INO80: variants seen among roughly 807,000 people sequenced by gnomAD.
INO80 encodes the protein INO80 complex ATPase subunit.
In INO80, 20 loss-of-function variants were observed where a neutral mutation model predicts 203.4. The observed-to-expected ratio is 0.10, with a 90% CI of 0.07 to 0.14. The LOEUF is 0.14. Ranked by LOEUF, INO80 falls within the 10% of genes least tolerant of loss-of-function variation. The pLI, the probability that INO80 is intolerant of heterozygous loss-of-function variation, is 1.00. For synonymous variants in INO80, 726 were observed against 685.2 expected, an observed-to-expected ratio of 1.06 and a Z score of -0.93; for missense variants, 1,419 against 1,914.4, an observed-to-expected ratio of 0.74 and a Z score of 4.83.
At chr15:41,057,451 T>A (rs1185869849) in intron 16 of INO80, among the ~76,000 whole-genome samples, 10 of 117,872 alleles carry the variant, frequency 8.5e-5, no homozygotes, top group African/African-American at 3.1e-4. Context: ...CAAGACCCTA[T>A]CCCCTGTCTC....
At chr15:41,111,758 A>T (rs537955058) in intron 1 of INO80, among the ~76,000 whole-genome samples, 3 of 151,648 alleles carry the variant, frequency 2.0e-5, no homozygotes, top group African/African-American at 7.2e-5. Flanking sequence ...AGCTGAGATC[A>T]CGCCACTGTA....
At chr15:41,091,944 G>A (rs913143919) in intron 5 of INO80, 83 bp downstream of exon 5, 37 of 1,244,698 alleles carry the variant, frequency 3.0e-5, no homozygotes, top group South Asian at 1.5e-4. Context: ...GAGCCACCAC[G>A]CCCAGCCAAA....
Position 41,044,974 on chromosome 15 carries a change from T to C in INO80, c.2837A>G (p.Asn946Ser). Residue 946 changes from asparagine to serine, a missense_variant, in exon 24 of 36, where the codon AAC (asparagine) becomes AGC (serine). By Grantham distance (46) the Asn-to-Ser change is conservative. This residue lies in a region of INO80 where 302 missense variants were observed against 345.4 expected (regional missense o/e 0.87). Transcript: ENST00000648947. ...ATTAACCCCAAGAAGGAAATCCTTG[T>C]TCCTCAGGTATCTCTGGTGGCTCTC... ...EGESHQRYLR[N>S]KDFLLGVNFP... The C allele has an allele frequency of 1.9e-6, 3 of 1,614,060 alleles. No homozygotes were observed. Among genetic ancestry groups the C allele is most frequent in the Middle Eastern group, 3.3e-4 (2 of 6,062 alleles).
chr15:41,036,179 A>AC (rs2044572499), intron 24 of INO80, among the ~76,000 whole-genome samples: 1 of 149,462 alleles, frequency 6.7e-6, no homozygotes. Flanking sequence ...AAAAAAAAAA[A>AC]AAAAAACCCA....
At chr15:41,053,642 A>G (rs539255983) in intron 19 of INO80, among the ~76,000 whole-genome samples, 1 of 152,338 alleles carries the variant, frequency 6.6e-6, no homozygotes, top group South Asian at 2.1e-4. Flanking sequence ...AGAGAGAGGT[A>G]GAGTTAATGA....
intron 9 of INO80, among the ~76,000 whole-genome samples, chr15:41,075,280 T>C (rs1195428249): frequency 2.0e-5 from 3 of 152,028 alleles, no homozygotes; most frequent in Non-Finnish European, 2.9e-5. Flanking sequence ...CTTTTCTTTT[T>C]TTTTTTTTTG....
In INO80 at chr15:41,101,695, G is replaced by A. The variant is rs113027363; in HGVS notation, c.-43-5342C>T. Among the ~76,000 whole-genome samples, 645 of 150,920 alleles carry A rather than the reference G, an allele frequency of 4.3e-3. 9 individuals carry two copies. Among genetic ancestry groups the A allele is most frequent in the African/African-American group, 0.014 (563 of 41,396 alleles). On this transcript the variant is annotated intron_variant, in intron 1 of 35. Coordinates refer to ENST00000648947, the MANE Select transcript of INO80 (RefSeq NM_017553.3). Reference sequence around the variant, plus strand: ...CTCCCGAGTAGCTGGGACTGCAGGCGCCCGCCACAACGCCTGGCTAAGTTT... The same window carrying A: ...CTCCCGAGTAGCTGGGACTGCAGGCACCCGCCACAACGCCTGGCTAAGTTT...
chr15:41,096,978 C>A (rs1305677093), intron 1 of INO80, among the ~76,000 whole-genome samples: 1 of 152,250 alleles, frequency 6.6e-6, no homozygotes, highest in African/African-American at 2.4e-5. Flanking sequence ...CCTAAGCATT[C>A]TCTTTGCTAC....
At chr15:41,030,769 G>C (rs1465098007) in intron 24 of INO80, among the ~76,000 whole-genome samples, 1 of 152,060 alleles carries the variant, frequency 6.6e-6, no homozygotes, top group Admixed American at 6.6e-5. Context: ...CTGCCTCCAG[G>C]GTTCAAGCAA....
chr15:41,010,253 T>C (rs1350946174), intron 27 of INO80, among the ~76,000 whole-genome samples: 1 of 152,238 alleles, frequency 6.6e-6, no homozygotes, highest in Non-Finnish European at 1.5e-5. Context: ...TACCTGGTTA[T>C]GTTTATCCAA....
At chr15:41,048,404 G>T in intron 21 of INO80, 128 bp from the exon 22 acceptor site, 1 of 670,646 alleles carries the variant, frequency 1.5e-6, no homozygotes, top group Non-Finnish European at 2.6e-6. Context: ...GAAGTTTCTT[G>T]CCATATTACC....
chr15:40,985,416 C>A lies in INO80; in HGVS notation c.3843G>T (p.Arg1281=). 6.2e-7 allele frequency: 1 copy of A among 1,613,164 alleles called. No individual in the cohort carries two copies. The highest frequency in any genetic ancestry group is 8.5e-7 in the Non-Finnish European group (1 of 1,179,182). ...DEELEKKLRL[R]QEEKRQQEET... is the part of the protein sequence containing the mutation. ...CCTCCTGTTGCCGTTTCTCTTCCTG[C>A]CGCAGCCTCACTATCAAGAAAATGA... is the stretch of plus-strand genomic sequence containing the variant. Residue 1281 remains arginine (R), a synonymous_variant, in exon 32 of 36, where the codon CGG becomes CGT. Coordinates refer to ENST00000648947, the MANE Select transcript of INO80 (RefSeq NM_017553.3).
chr15:40,983,672 T>C, intron 34 of INO80, 90 bp downstream of exon 34: 2 of 1,124,050 alleles, frequency 1.8e-6, no homozygotes, highest in South Asian at 3.1e-5. Context: ...AAAAATACCA[T>C]TATCCTAGAA....
intron 25 of INO80, among the ~76,000 whole-genome samples, chr15:41,024,976 T>C (rs1046543070): frequency 6.6e-6 from 1 of 152,138 alleles, no homozygotes; most frequent in African/African-American, 2.4e-5. Context: ...AATAGAGATA[T>C]CTAAACTCTT....
chr15:40,981,054 C>A (rs573144792), intron 35 of INO80, among the ~76,000 whole-genome samples: 1 of 152,230 alleles, frequency 6.6e-6, no homozygotes, highest in Admixed American at 6.5e-5. Context: ...CTTTTTCCTA[C>A]ATAAGCCAAA....
chr15:41,031,587 A>G (rs949650921), intron 24 of INO80, among the ~76,000 whole-genome samples: 23 of 1,346 alleles, frequency 0.017, 3 homozygotes, highest in South Asian at 0.05. Context: ...GGAAGGGAGG[A>G]AGGGAGGGAG....
intron 9 of INO80, among the ~76,000 whole-genome samples, chr15:41,076,636 GGAGGCTGAGGCGGGA>G (rs2045407435): frequency 6.6e-6 from 1 of 151,992 alleles, no homozygotes; most frequent in African/African-American, 2.4e-5. Flanking sequence ...CAGCTACACT[GGAGGCTGAGGCGGGA>G]GGACTGCTTG....
chr15:41,073,383 AT>A, intron 11 of INO80, 44 bp downstream of exon 11: 1 of 1,496,216 alleles, frequency 6.7e-7, no homozygotes, highest in Non-Finnish European at 9.3e-7. Flanking sequence ...CTTGTGGGGT[AT>A]TTCCAGGGCC....
intron 31 of INO80, 33 bp from the exon 32 acceptor site, chr15:40,985,459 T>C: frequency 7.6e-7 from 1 of 1,310,128 alleles, no homozygotes; most frequent in Non-Finnish European, 1.1e-6. Flanking sequence ...CCTGATGAAG[T>C]ACCTGTGGTA....
Sources: allele counts gnomAD v4.1 joint callset (sites outside exome capture counted in the v4.1 genomes callset), GRCh38; gene constraint gnomAD v4.1.1; regional missense constraint gnomAD v4.1.1; transcripts MANE v1.5; gene names NCBI Gene and HGNC (gene_info 2026-07-23, HGNC 2026-07-21).